The following EXOC2 variants were observed in gnomAD, a reference collection of about 807,000 sequenced individuals.
EXOC2 encodes SEC5-like 1.
A neutral mutation model predicts 131.8 loss-of-function variants in EXOC2; 70 were observed. The ratio of observed to expected loss-of-function variants is 0.53; its 90% CI spans 0.44 to 0.65. EXOC2 has a LOEUF of 0.65. EXOC2 is among the 30% of genes least tolerant of loss of function. The pLI, the probability that EXOC2 is intolerant of heterozygous loss-of-function variation, is 0.00. For synonymous variants in EXOC2, 411 were observed against 398.4 expected (o/e 1.03, Z -0.38); for missense variants, 923 against 1,108.6 (o/e 0.83, Z 2.38).
intron 1 of EXOC2, chr6:656,608 T>C (rs758268606): frequency 1.9e-6 from 3 of 1,597,918 alleles, no homozygotes; most frequent in South Asian, 2.2e-5. Context: ...ACCGCCACCG[T>C]GAGGGAGGGG....
At chr6:598,766 A>C in intron 9 of EXOC2, 94 bp downstream of exon 9, 1 of 1,008,352 alleles carries the variant, frequency 9.9e-7, no homozygotes, top group Non-Finnish European at 1.5e-6. Flanking sequence ...ATAAACAAAA[A>C]CTAAAAACTC....
At chr6:490,114 G>A (rs922234372) in intron 26 of EXOC2, among the ~76,000 whole-genome samples, 10 of 152,174 alleles carry the variant, frequency 6.6e-5, no homozygotes, top group Non-Finnish European at 1.2e-4. Flanking sequence ...TGTTTTGACA[G>A]TATGACAATA....
At chr6:691,829 G>T (rs1461691248) in intron 1 of EXOC2, among the ~76,000 whole-genome samples, 1 of 152,186 alleles carries the variant, frequency 6.6e-6, no homozygotes, top group African/African-American at 2.4e-5. Flanking sequence ...CACACTGGGG[G>T]AACTCTGCTT....
chr6:524,248 G>C (rs927400494), intron 23 of EXOC2: 1 of 152,274 alleles, frequency 6.6e-6, no homozygotes, highest in Admixed American at 6.5e-5. Flanking sequence ...TTGTGAAGAG[G>C]TCAGCATGGC....
At chr6:595,820 C>A (rs542719405) in intron 10 of EXOC2, among the ~76,000 whole-genome samples, 1 of 152,210 alleles carries the variant, frequency 6.6e-6, no homozygotes, top group East Asian at 1.9e-4. Context: ...ACACTACGCT[C>A]AACCTCCCTG....
At chr6:624,966 G>C (rs17135926) in intron 4 of EXOC2, among the ~76,000 whole-genome samples, 6,252 of 152,300 alleles carry the variant, frequency 0.041, 315 homozygotes, top group South Asian at 0.19. Context: ...ACAGAGTTAG[G>C]ACTGAAAGTG....
At chr6:670,122 C>A (rs927719087) in intron 1 of EXOC2, 2 of 152,242 alleles carry the variant, frequency 1.3e-5, no homozygotes, top group Admixed American at 1.3e-4. Flanking sequence ...CGTACTTTTG[C>A]GTACGTTGCC....
At chr6:492,338 C>G (rs545142956) in intron 25 of EXOC2, among the ~76,000 whole-genome samples, 1 of 152,148 alleles carries the variant, frequency 6.6e-6, no homozygotes, top group Non-Finnish European at 1.5e-5. Flanking sequence ...TTTGGAGAAC[C>G]GTCTGGCAGT....
intron 23 of EXOC2, chr6:524,161 G>T (rs1765625808): frequency 6.6e-6 from 1 of 152,192 alleles, no homozygotes; most frequent in East Asian, 1.9e-4. Flanking sequence ...TCCTTATTCG[G>T]TCATTCATTA....
intron 1 of EXOC2, among the ~76,000 whole-genome samples, chr6:685,690 C>T (rs996322650): frequency 6.6e-6 from 1 of 152,068 alleles, no homozygotes; most frequent in Admixed American, 6.5e-5. Context: ...CCTGCTCCAT[C>T]CCCAAATCAT....
rs753455896 is a variant in EXOC2, at chr6:500,861, TC to T, written c.2381-1162del. Among the ~76,000 whole-genome samples the T allele has an allele frequency of 2.6e-5, 4 of 151,732 alleles. No individual in the cohort carries two copies. The East Asian group carries it at 5.8e-4, about 22-fold the overall frequency. On this transcript the variant is annotated intron_variant, in intron 23 of 27. Coordinates refer to ENST00000230449, the MANE Select transcript of EXOC2 (RefSeq NM_018303.6). ...TTAGTTGGGAAAGTTGAGATAGAGA[TC>T]AAGAACTATAATCAACCTTTTGAAC...
At chr6:507,084 G>C (rs1764580759) in intron 23 of EXOC2, among the ~76,000 whole-genome samples, 1 of 128,188 alleles carries the variant, frequency 7.8e-6, no homozygotes, top group Non-Finnish European at 1.6e-5. Context: ...ACACACAGCA[G>C]TGACTACATA....
At chr6:587,523 C>T (rs557186768) in intron 11 of EXOC2, among the ~76,000 whole-genome samples, 15 of 152,312 alleles carry the variant, frequency 9.8e-5, no homozygotes, top group African/African-American at 3.1e-4. Flanking sequence ...GGATTACAGG[C>T]GTGAGCCACC....
intron 1 of EXOC2, among the ~76,000 whole-genome samples, chr6:687,941 G>A (rs750729908): frequency 7.9e-5 from 12 of 152,216 alleles, no homozygotes; most frequent in South Asian, 2.1e-4. Context: ...ATGTATAAAG[G>A]CCAACAGAAG....
chr6:667,961 G>C (rs1763691412), intron 1 of EXOC2, among the ~76,000 whole-genome samples: 1 of 151,876 alleles, frequency 6.6e-6, no homozygotes, highest in African/African-American at 2.4e-5. Flanking sequence ...CTAATACACT[G>C]GGTTTTTTTC....
chr6:581,236 C>T (rs957712472), intron 11 of EXOC2, among the ~76,000 whole-genome samples: 1 of 149,014 alleles, frequency 6.7e-6, no homozygotes, highest in Non-Finnish European at 1.5e-5. Flanking sequence ...ACAGAGATTG[C>T]AGAATGCCAA....
At chr6:634,501 C>A (rs1333738878) in intron 2 of EXOC2, among the ~76,000 whole-genome samples, 2 of 152,112 alleles carry the variant, frequency 1.3e-5, no homozygotes, top group Non-Finnish European at 1.5e-5. Context: ...TCACCTAATG[C>A]CAAATCTGAC....
Position 499,642 on chromosome 6 carries a change from T to C in EXOC2, c.2436+3A>G, listed in dbSNP as rs762189412. On this transcript the variant is annotated splice_donor_region_variant and intron_variant, in intron 24 of 27. Transcript: ENST00000230449. ...CTCTTAGGAACATCTAATGATACTTTACCTCTGCATGCACGGCAATTATAT... is the reference window on the plus strand; with the variant it reads ...CTCTTAGGAACATCTAATGATACTTCACCTCTGCATGCACGGCAATTATAT... 16 of 1,612,456 alleles carry C rather than the reference T, an allele frequency of 9.9e-6. No homozygotes were observed. Among genetic ancestry groups the C allele is most frequent in the African/African-American group, 2.7e-5 (2 of 74,858 alleles).
chr6:592,922 C>T lies in EXOC2; in HGVS notation c.1074-335G>A, dbSNP rs893269552. On this transcript the variant is annotated intron_variant, in intron 10 of 27. Transcript: ENST00000230449. ...GTGCAAGCCTGTAATCTCAGCTACT[C>T]GGGCGGCTGAGGCAGGAGAATCGCT... 2.6e-5 allele frequency among the ~76,000 whole-genome samples: 4 copies of T among 151,940 alleles called. No individual in the cohort carries two copies. The East Asian group carries it at 5.8e-4, about 22-fold the overall frequency.
Sources: gnomAD v4.1 joint callset for allele counts (sites outside exome capture counted in the v4.1 genomes callset) on GRCh38, gnomAD v4.1.1 for gene constraint, MANE v1.5 for transcripts, NCBI Gene and HGNC (gene_info 2026-07-23, HGNC 2026-07-21) for gene names.